PRKAG2: variants seen among roughly 807,000 people sequenced by gnomAD.
The protein encoded by PRKAG2 is 5'-AMP-activated protein kinase subunit gamma-2.
In PRKAG2, 26 loss-of-function variants were observed where a neutral mutation model predicts 69.6. The observed-to-expected ratio is 0.37, with a 90% confidence interval of 0.27 to 0.52. The LOEUF (loss-of-function observed/expected upper bound fraction) is 0.52, where lower values mean the gene tolerates loss of function less well. Ranked by LOEUF, PRKAG2 falls within the 20% of genes least tolerant of loss-of-function variation. The probability of loss-of-function intolerance (pLI) is 0.90; values close to 1 mark genes in which losing one functional copy is unlikely to be tolerated. For missense variants in PRKAG2, 557 were observed against 740.0 expected (o/e 0.75, Z 2.87); for synonymous variants, 293 against 285.0 (o/e 1.03, Z -0.28).
At chr7:151,557,990 T>C in intron 15 of PRKAG2, 1 of 984,746 alleles carries the variant, frequency 1.0e-6, no homozygotes, top group Non-Finnish European at 1.2e-6. Context: ...CAGGGAGAGC[T>C]ACTATTTTTC....
intron 3 of PRKAG2, among the ~76,000 whole-genome samples, chr7:151,768,677 G>A (rs1276468206): frequency 1.3e-5 from 2 of 152,194 alleles, no homozygotes; most frequent in African/African-American, 4.8e-5. Context: ...ATGTTGGCCA[G>A]GCTGCTCTTG....
chr7:151,767,197 C>T (rs894151195), intron 3 of PRKAG2, among the ~76,000 whole-genome samples: 13 of 152,222 alleles, frequency 8.5e-5, no homozygotes, highest in Admixed American at 7.2e-4. Context: ...AAAGAACAGA[C>T]GCATGGAACA....
intron 3 of PRKAG2, among the ~76,000 whole-genome samples, chr7:151,710,825 T>A (rs188573475): frequency 3.5e-4 from 54 of 152,350 alleles, no homozygotes; most frequent in Middle Eastern, 3.4e-3. Context: ...TCTCTGTACC[T>A]CTGTGTCAGC....
chr7:151,630,424 A>T, intron 5 of PRKAG2, among the ~76,000 whole-genome samples: 1 of 152,250 alleles, frequency 6.6e-6, no homozygotes, highest in Non-Finnish European at 1.5e-5. Flanking sequence ...AATAGTAACT[A>T]ACATTTATGA....
intron 3 of PRKAG2, among the ~76,000 whole-genome samples, chr7:151,766,039 A>G (rs1360666007): frequency 6.6e-6 from 1 of 152,136 alleles, no homozygotes; most frequent in African/African-American, 2.4e-5. Flanking sequence ...GTATTATAGT[A>G]TCTCCAGGAA....
chr7:151,572,530 C>A, intron 9 of PRKAG2, 134 bp downstream of exon 9: 1 of 695,384 alleles, frequency 1.4e-6, no homozygotes, highest in Non-Finnish European at 2.5e-6. Context: ...TCAAAATTAA[C>A]AGAAATAAAG....
Position 151,876,565 on chromosome 7 carries a change from C to T in PRKAG2, c.56G>A (p.Gly19Glu), listed in dbSNP as rs368522976. ...KKKKDVSSPGGSGGKKNASQK... is the reference protein window; with the variant it reads ...KKKKDVSSPGESGGKKNASQK... The stretch of plus-strand genomic sequence containing the variant: ...GCTGGCATTTTTCTTGCCGCCGCTC[C>T]CGCCGGGGCTGGAAACATCTTTTTT... The change falls in exon 1 of 16, where the codon GGG becomes GAG. Residue 19 changes from glycine to glutamate, a missense_variant. This residue lies in a region of PRKAG2 where 352 missense variants were observed against 356.7 expected (regional missense o/e 0.99). Transcript: ENST00000287878. The T allele has an allele frequency of 4.3e-6, 7 of 1,610,388 alleles. No individual in the cohort carries two copies. Among genetic ancestry groups the T allele is most frequent in the East Asian group, 4.5e-5 (2 of 44,878 alleles).
At position 151,632,683 on chromosome 7, in the gene PRKAG2, T is replaced by C. The variant is rs1824973393; in HGVS notation, c.685-545A>G. The C allele has an allele frequency of 1.4e-5, 11 of 808,622 alleles. No homozygotes were observed. The highest frequency in any genetic ancestry group is 1.6e-5 in the Non-Finnish European group (11 of 668,268). The allele number at this position is 808,622 out of a possible 1,614,324, so 50.1% of individuals were successfully genotyped here. A position where few individuals can be genotyped will look rare whatever the true frequency, so the allele number is the denominator to read the frequency against. On this transcript the variant is annotated intron_variant, in intron 4 of 15. Coordinates refer to ENST00000287878, the MANE Select transcript of PRKAG2 (RefSeq NM_016203.4). The surrounding 1 kb of genome is among the most constrained non-coding windows in gnomAD (Gnocchi z 4.2). ...CTGCAGAACGCCCCGGGGCGCCAGCTAGGGGATCCTTTCTCGCTTTCCTCT... is the reference window on the plus strand; with the variant it reads ...CTGCAGAACGCCCCGGGGCGCCAGCCAGGGGATCCTTTCTCGCTTTCCTCT...
intron 14 of PRKAG2, 106 bp downstream of exon 14, chr7:151,563,972 G>A: frequency 6.7e-7 from 1 of 1,502,160 alleles, no homozygotes; most frequent in Non-Finnish European, 9.2e-7. Flanking sequence ...CCTGGAGGCT[G>A]CCTCGCTGGG....
At position 151,561,113 on chromosome 7, in the gene PRKAG2, G is replaced by A. The variant is rs1235177749; in HGVS notation, c.1585-496C>T. On this transcript the variant is annotated intron_variant, in intron 14 of 15. Coordinates refer to ENST00000287878, the MANE Select transcript of PRKAG2 (RefSeq NM_016203.4). ...ACACAGGCATGAGAAGGAAAGAGGG[G>A]AAAGCTATCTATCTCCTGTCTCTAA... 2.6e-5 allele frequency among the ~76,000 whole-genome samples: 4 copies of A among 152,092 alleles called. No homozygotes were observed. In the East Asian group the frequency reaches 7.7e-4, roughly 29 times the overall value.
chr7:151,557,208 G>A lies in PRKAG2; in HGVS notation c.1703C>T (p.Thr568Met), dbSNP rs540525001. The change falls in exon 16 of 16, where the codon ACG (threonine) becomes ATG (methionine). Residue 568 changes from threonine to methionine, a missense_variant. By Grantham distance (81) the Thr-to-Met change is moderately conservative (BLOSUM62 -1). Coordinates refer to ENST00000287878, the MANE Select transcript of PRKAG2 (RefSeq NM_016203.4). ...CGTCTACATTCACGGCGGTCACTCC[G>A]TTTCTGTCTCCTTTTGTTTGGCACC... ...PAGAKQKETE[T>M]E 4.5e-5 allele frequency: 72 copies of A among 1,614,114 alleles called. 1 individual carries two copies. The highest frequency in any genetic ancestry group is 3.5e-4 in the South Asian group (32 of 91,080).
intron 5 of PRKAG2, among the ~76,000 whole-genome samples, chr7:151,629,255 T>C (rs750248256): frequency 6.6e-6 from 1 of 152,184 alleles, no homozygotes; most frequent in African/African-American, 2.4e-5. Flanking sequence ...GGCCGGCCCA[T>C]GTCCTGTTAT....
intron 3 of PRKAG2, among the ~76,000 whole-genome samples, chr7:151,723,138 T>C (rs1797383574): frequency 6.6e-6 from 1 of 152,200 alleles, no homozygotes; most frequent in African/African-American, 2.4e-5. Context: ...CTGGGCTGAA[T>C]GTCAGTTTAG....
intron 1 of PRKAG2, among the ~76,000 whole-genome samples, chr7:151,825,919 C>T (rs971181665): frequency 4.6e-5 from 7 of 152,158 alleles, no homozygotes; most frequent in East Asian, 1.9e-4. Context: ...GCAAGCAAGC[C>T]GCCAGTAGGT....
intron 3 of PRKAG2, among the ~76,000 whole-genome samples, chr7:151,739,342 CA>C (rs777155890): frequency 6.6e-6 from 1 of 152,234 alleles, no homozygotes; most frequent in Non-Finnish European, 1.5e-5. Context: ...CAACTTTTCT[CA>C]TGCAATTTCT....
chr7:151,630,343 G>A (rs1449757982), intron 5 of PRKAG2, among the ~76,000 whole-genome samples: 1 of 152,198 alleles, frequency 6.6e-6, no homozygotes, highest in Admixed American at 6.5e-5. Context: ...GAATCTCTGT[G>A]TTGGGTTTCA....
At chr7:151,703,192 G>A (rs191234548) in intron 3 of PRKAG2, among the ~76,000 whole-genome samples, 49 of 152,292 alleles carry the variant, frequency 3.2e-4, no homozygotes, top group African/African-American at 1.1e-3. Flanking sequence ...CAGCGCGCGC[G>A]AAGCAAAGAA....
intron 2 of PRKAG2, 150 bp downstream of exon 2, chr7:151,786,320 T>C: frequency 1.3e-6 from 1 of 781,012 alleles, no homozygotes; most frequent in Non-Finnish European, 2.2e-6. Flanking sequence ...AGGTGAGCTG[T>C]CGCAGGATGG....
intron 6 of PRKAG2, among the ~76,000 whole-genome samples, chr7:151,590,134 T>C (rs781095111): frequency 2.0e-5 from 3 of 152,170 alleles, no homozygotes; most frequent in Non-Finnish European, 4.4e-5. Context: ...ATGACATTTG[T>C]GTGCCAGGGC....
Sources: allele counts gnomAD v4.1 joint callset (sites outside exome capture counted in the v4.1 genomes callset), GRCh38; gene constraint gnomAD v4.1.1; regional missense constraint gnomAD v4.1.1; non-coding constraint Gnocchi (gnomAD v3.1); transcripts MANE v1.5; gene names NCBI Gene and HGNC (gene_info 2026-07-23, HGNC 2026-07-21).